The following PTK2 variants were observed in gnomAD, a reference collection of about 807,000 sequenced individuals.
The protein encoded by PTK2 is protein tyrosine kinase 2.
PTK2 carries 45 observed loss-of-function variants against 150.1 expected under a neutral mutation model. That is an observed-to-expected ratio of 0.30 (90% CI 0.24 to 0.38). The LOEUF is 0.38. Ranked by LOEUF, PTK2 falls within the 10% of genes least tolerant of loss-of-function variation. PTK2 has a pLI of 1.00. For synonymous variants in PTK2, 432 were observed against 449.2 expected, an observed-to-expected ratio of 0.96 and a Z score of 0.48; for missense variants, 919 against 1,307.3, an observed-to-expected ratio of 0.70 and a Z score of 4.58.
chr8:140,910,903 G>A (rs2100162866), intron 2 of PTK2, among the ~76,000 whole-genome samples: 1 of 151,974 alleles, frequency 6.6e-6, no homozygotes, highest in Non-Finnish European at 1.5e-5. Context: ...TTTGACACAG[G>A]GTCTTGCTCT....
intron 28 of PTK2, among the ~76,000 whole-genome samples, chr8:140,674,986 G>T (rs2100012765): frequency 6.6e-6 from 1 of 150,968 alleles, no homozygotes; most frequent in South Asian, 2.1e-4. Flanking sequence ...CAGGAGAATT[G>T]CTTGAACCCG....
intron 1 of PTK2, among the ~76,000 whole-genome samples, chr8:140,982,923 A>G (rs1314951833): frequency 2.0e-5 from 3 of 152,190 alleles, no homozygotes; most frequent in African/African-American, 7.2e-5. Context: ...AAACTTCTAC[A>G]AGGTTTTCAC....
intron 4 of PTK2, 188 bp downstream of exon 4, chr8:140,879,283 T>C: frequency 1.9e-6 from 1 of 520,292 alleles, no homozygotes; most frequent in Non-Finnish European, 3.1e-6. Flanking sequence ...TAATTAATAA[T>C]ACCCAAAAGC....
intron 1 of PTK2, among the ~76,000 whole-genome samples, chr8:140,962,773 TC>T (rs1240750438): frequency 8.7e-5 from 13 of 149,160 alleles, no homozygotes; most frequent in Non-Finnish European, 1.8e-4. Flanking sequence ...AGAGCGAGAC[TC>T]CCTCAAAAAA....
intron 30 of PTK2, among the ~76,000 whole-genome samples, chr8:140,667,846 T>C (rs564019087): frequency 9.2e-5 from 14 of 152,310 alleles, no homozygotes; most frequent in African/African-American, 2.6e-4. Context: ...AATTTGATAA[T>C]GATCATTCCT....
At chr8:140,928,957 ATTTTTTTTTTT>A (rs34658967) in intron 1 of PTK2, among the ~76,000 whole-genome samples, 4 of 92,204 alleles carry the variant, frequency 4.3e-5, no homozygotes, top group South Asian at 4.2e-4. Context: ...TTTTATCACA[ATTTTTTTTTTT>A]TTTTTTTTTT....
At chr8:140,831,757 A>G (rs2154603002) in intron 7 of PTK2, among the ~76,000 whole-genome samples, 2 of 152,326 alleles carry the variant, frequency 1.3e-5, no homozygotes, top group South Asian at 4.1e-4. Context: ...TTCTGTCTCT[A>G]GCCACTTTTG....
At chr8:140,932,403 A>AG (rs1259014269) in intron 1 of PTK2, among the ~76,000 whole-genome samples, 3 of 151,754 alleles carry the variant, frequency 2.0e-5, no homozygotes, top group African/African-American at 7.3e-5. Context: ...TTTAGTAGAG[A>AG]GGGGGTTTCA....
At chr8:140,740,905 G>A (rs898018649) in intron 20 of PTK2, among the ~76,000 whole-genome samples, 1 of 152,176 alleles carries the variant, frequency 6.6e-6, no homozygotes, top group Non-Finnish European at 1.5e-5. Context: ...CACTTTGGGA[G>A]GCCAAGGTGG....
At chr8:140,831,126 C>T (rs1260833177) in intron 7 of PTK2, among the ~76,000 whole-genome samples, 2 of 152,118 alleles carry the variant, frequency 1.3e-5, no homozygotes, top group Non-Finnish European at 1.5e-5. Flanking sequence ...TGCTGGAAAT[C>T]GCAGCAATGT....
At chr8:140,673,390 G>A (rs1369424507) in intron 29 of PTK2, among the ~76,000 whole-genome samples, 2 of 151,962 alleles carry the variant, frequency 1.3e-5, no homozygotes, top group Non-Finnish European at 2.9e-5. Flanking sequence ...TTACAGGCAT[G>A]AGCCACCACA....
chr8:140,867,364 T>C (rs764564916), intron 4 of PTK2, among the ~76,000 whole-genome samples: 3 of 152,200 alleles, frequency 2.0e-5, no homozygotes, highest in Admixed American at 6.5e-5. Context: ...GGGAATTACA[T>C]AATCTTCCCT....
chr8:140,693,769 T>C (rs1462938952), intron 26 of PTK2, among the ~76,000 whole-genome samples: 1 of 151,938 alleles, frequency 6.6e-6, no homozygotes, highest in African/African-American at 2.4e-5. Context: ...GTAAGAGATG[T>C]GACTAGCAGT....
intron 30 of PTK2, among the ~76,000 whole-genome samples, chr8:140,665,201 C>T (rs942208264): frequency 6.6e-6 from 1 of 152,064 alleles, no homozygotes; most frequent in Non-Finnish European, 1.5e-5. Flanking sequence ...TGCTCTAATA[C>T]CCTAAGGAGT....
At position 140,706,056 on chromosome 8, in the gene PTK2, G is replaced by A. The variant is rs56299641; in HGVS notation, c.2229+63C>T. ...TAAATAAAAATATGCACAATGTACC[G>A]CTCTACCCCAAAAGCGCTAAATAAT... On this transcript the variant is annotated intron_variant, in intron 24 of 31. Coordinates refer to ENST00000522684, the Ensembl canonical transcript of PTK2. 8.6e-3 allele frequency: 11,442 copies of A among 1,332,694 alleles called. 724 individuals are homozygous for A. In the African/African-American group the frequency reaches 0.14, roughly 16 times the overall value. The allele number at this position is 1,332,694 out of a possible 1,614,324, so 82.6% of individuals were successfully genotyped here.
At chr8:140,665,357 G>A (rs930786012) in intron 30 of PTK2, among the ~76,000 whole-genome samples, 8 of 152,078 alleles carry the variant, frequency 5.3e-5, no homozygotes, top group Non-Finnish European at 1.2e-4. Flanking sequence ...CACAGGTTAG[G>A]ATAAATAGTA....
chr8:140,698,127 C>T (rs967364102), intron 26 of PTK2, among the ~76,000 whole-genome samples: 1 of 152,110 alleles, frequency 6.6e-6, no homozygotes, highest in African/African-American at 2.4e-5. Context: ...CTGCTGCCTC[C>T]CCCAAGTCCC....
intron 5 of PTK2, among the ~76,000 whole-genome samples, chr8:140,859,906 T>C (rs1179541754): frequency 2.6e-5 from 4 of 152,244 alleles, no homozygotes; most frequent in African/African-American, 9.6e-5. Flanking sequence ...TTGCGAAGCA[T>C]GTAGCAGGGC....
At chr8:140,676,943 CAAAAAAAAAAA>C (rs71320398) in intron 27 of PTK2, among the ~76,000 whole-genome samples, 1 of 85,920 alleles carries the variant, frequency 1.2e-5, no homozygotes, top group Admixed American at 1.5e-4. Flanking sequence ...GACTCCATCT[CAAAAAAAAAAA>C]AAAAAAAAAT....
Sources: allele counts gnomAD v4.1 joint callset (sites outside exome capture counted in the v4.1 genomes callset), GRCh38; gene constraint gnomAD v4.1.1; transcripts MANE v1.5; gene names NCBI Gene and HGNC (gene_info 2026-07-23, HGNC 2026-07-21).